PLEKHG3: variants seen among roughly 807,000 people sequenced by gnomAD.
The protein encoded by PLEKHG3 is pleckstrin homology and RhoGEF domain containing G3.
PLEKHG3 carries 62 observed loss-of-function variants against 94.9 expected under a neutral mutation model. The ratio of observed to expected loss-of-function variants is 0.65; its 90% CI spans 0.53 to 0.81. The LOEUF (loss-of-function observed/expected upper bound fraction) is 0.81, where lower values mean the gene tolerates loss of function less well. PLEKHG3 is among the 30% of genes least tolerant of loss of function. The pLI, the probability that PLEKHG3 is intolerant of heterozygous loss-of-function variation, is 0.00. For synonymous variants in PLEKHG3, 614 were observed against 654.0 expected, an observed-to-expected ratio of 0.94 and a Z score of 0.93; for missense variants, 1,461 against 1,619.3, an observed-to-expected ratio of 0.90 and a Z score of 1.68.
At position 64,708,407 on chromosome 14, in the gene PLEKHG3, C is replaced by T. The variant is rs147887282; in HGVS notation, c.-40+3703C>T. Among the ~76,000 whole-genome samples the T allele has an allele frequency of 6.1e-4, 92 of 151,996 alleles. 2 individuals carry two copies. The East Asian group carries it at 0.016, about 27-fold the overall frequency. On this transcript the variant is annotated intron_variant, in intron 1 of 16. Transcript: ENST00000247226. Reference sequence around the variant, plus strand: ...CCTGGAGGTCGGAAGCGGAGTGGGGCGGGGACAAGGGGTAGGGAAAGTGAG... The same window carrying T: ...CCTGGAGGTCGGAAGCGGAGTGGGGTGGGGACAAGGGGTAGGGAAAGTGAG...
rs1479827580 is a variant in PLEKHG3, at chr14:64,745,587, C to T, written c.*1884C>T. 1 of 152,316 alleles carries T rather than the reference C, an allele frequency of 6.6e-6. No individual in the cohort carries two copies. The highest frequency in any genetic ancestry group is 2.4e-5 in the African/African-American group (1 of 41,464). The allele number at this position is 152,316 out of a possible 1,614,324, so 9.4% of individuals were successfully genotyped here. Reference sequence around the variant, plus strand: ...ACACTGTCCAGTGCCCTTGTGGTTACTCAGCATCATATCTTGAGACTGGCC... The same window carrying T: ...ACACTGTCCAGTGCCCTTGTGGTTATTCAGCATCATATCTTGAGACTGGCC... On this transcript the variant is annotated 3_prime_UTR_variant, in exon 17 of 17. Coordinates refer to ENST00000247226, the MANE Select transcript of PLEKHG3 (RefSeq NM_001308147.2). This position sits in a 1 kb window ranked among gnomAD's most constrained non-coding sequence, Gnocchi z 5.0.
chr14:64,741,608 T>C lies in PLEKHG3; in HGVS notation c.2091T>C (p.Pro697=). 6.2e-7 allele frequency: 1 copy of C among 1,612,966 alleles called. No individual in the cohort carries two copies. The highest frequency in any genetic ancestry group is 1.1e-5 in the South Asian group (1 of 91,074). The change falls in exon 16 of 17, where the codon CCT becomes CCC. Residue 697 remains proline, a synonymous_variant. Transcript: ENST00000247226. ...CAAGCCCAGGCTGCCCAGTGGAGCC[T>C]GACCGGTCTTCCTGCAAGAAGAAGG... ...EPPSPGCPVE[P]DRSSCKKKES...
Position 64,743,349 on chromosome 14 carries a change from C to A in PLEKHG3, c.3306C>A (p.Ser1102Arg). The change falls in exon 17 of 17, where the codon AGC becomes AGA. Residue 1102 changes from serine (S) to arginine (R), a missense_variant. Physicochemically the swap from Ser to Arg is moderately radical, Grantham distance 110. This residue lies in a region of PLEKHG3 where 1,201 missense variants were observed against 1,295.5 expected (regional missense o/e 0.93). Coordinates refer to ENST00000247226, the MANE Select transcript of PLEKHG3 (RefSeq NM_001308147.2). The surrounding 1 kb of genome is among the most constrained non-coding windows in gnomAD (Gnocchi z 7.2). ...SGRVGRCRSL[S>R]TKRGRGGGEA... Reference sequence around the variant, plus strand: ...GGGTGGGCCGCTGCCGCAGCCTGAGCACCAAGAGGGGCCGGGGAGGCGGAG... The same window carrying A: ...GGGTGGGCCGCTGCCGCAGCCTGAGAACCAAGAGGGGCCGGGGAGGCGGAG... 1 of 1,607,800 alleles carries A rather than the reference C, an allele frequency of 6.2e-7. No individual in the cohort carries two copies.
At position 64,732,771 on chromosome 14, in the gene PLEKHG3, C is replaced by T; in HGVS notation, c.1247-32C>T. The T allele has an allele frequency of 6.5e-7, 1 of 1,545,172 alleles. No homozygotes were observed. Among genetic ancestry groups the T allele is most frequent in the Non-Finnish European group, 8.8e-7 (1 of 1,133,146 alleles). On this transcript the variant is annotated intron_variant, in intron 11 of 16. Coordinates refer to ENST00000247226, the MANE Select transcript of PLEKHG3 (RefSeq NM_001308147.2). This position sits in a 1 kb window ranked among gnomAD's most constrained non-coding sequence, Gnocchi z 4.9. ...GGGTAGGCCAAGGCCAATTGGGAATCAAAAGCTTGATCGTCTCTCTCCTGG... is the reference window on the plus strand; with the variant it reads ...GGGTAGGCCAAGGCCAATTGGGAATTAAAAGCTTGATCGTCTCTCTCCTGG...
At position 64,746,583 on chromosome 14, in the gene PLEKHG3, C is replaced by T. The variant is rs2081844852; in HGVS notation, c.*2880C>T. The T allele has an allele frequency of 6.6e-6, 1 of 152,496 alleles. No homozygotes were observed. Among genetic ancestry groups the T allele is most frequent in the South Asian group, 2.1e-4 (1 of 4,830 alleles). The allele number at this position is 152,496 out of a possible 1,614,324, so 9.4% of individuals were successfully genotyped here. ...GGTCAGCCTAGGGGACCCTGGCTCC[C>T]TCCGATAGGCAGGAAGGAGGAGGGA... On this transcript the variant is annotated 3_prime_UTR_variant, in exon 17 of 17. Transcript: ENST00000247226. The surrounding 1 kb of genome is among the most constrained non-coding windows in gnomAD (Gnocchi z 4.9).
rs542224656 is a variant in PLEKHG3, at chr14:64,737,791, C to A, written c.1404+416C>A. 42 of 811,612 alleles carry A rather than the reference C, an allele frequency of 5.2e-5. No homozygotes were observed. In the African/African-American group the frequency reaches 5.5e-4, roughly 11 times the overall value. The allele number at this position is 811,612 out of a possible 1,614,324, so 50.3% of individuals were successfully genotyped here. Reference sequence around the variant, plus strand: ...GCTTTCTGTGTGAAGGCTCCCCCCCCGCAGCTGCCTGCAGGAGGACGGGAG... The same window carrying A: ...GCTTTCTGTGTGAAGGCTCCCCCCCAGCAGCTGCCTGCAGGAGGACGGGAG... On this transcript the variant is annotated intron_variant, in intron 14 of 16. Transcript: ENST00000247226.
At position 64,716,461 on chromosome 14, in the gene PLEKHG3, CACACAA is replaced by C. The variant is rs1441149114; in HGVS notation, c.-39-11131_-39-11126del. Among the ~76,000 whole-genome samples, 9 of 120,206 alleles carry C rather than the reference CACACAA, an allele frequency of 7.5e-5. No individual in the cohort carries two copies. Among genetic ancestry groups the C allele is most frequent in the Admixed American group, 2.4e-4 (3 of 12,760 alleles). 78.9% of individuals were successfully genotyped at this position (120,206 alleles called of 152,430 possible). On this transcript the variant is annotated intron_variant, in intron 1 of 16. Coordinates refer to ENST00000247226, the MANE Select transcript of PLEKHG3 (RefSeq NM_001308147.2). The surrounding 1 kb of genome is among the most constrained non-coding windows in gnomAD (Gnocchi z 5.0). Reference sequence around the variant, plus strand: ...ACACACACACACACACACACACACACACACAACACACACACACACAACACACACACA... The same window carrying C: ...ACACACACACACACACACACACACACCACACACACACACAACACACACACA...
intron 12 of PLEKHG3, 80 bp from the exon 13 acceptor site, chr14:64,736,773 G>A: frequency 9.9e-7 from 1 of 1,011,200 alleles, no homozygotes; most frequent in South Asian, 1.3e-5. Flanking sequence ...TGATGGGCTG[G>A]TGGCGCTGTG....
At position 64,715,795 on chromosome 14, in the gene PLEKHG3, C is replaced by G; in HGVS notation, c.-40+11091C>G. The stretch of plus-strand genomic sequence containing the variant: ...GGCTGTGGCCTGGGTCCCTACCCAG[C>G]GGGGACCTGCAGAATTGTGTCGGGA... On this transcript the variant is annotated intron_variant, in intron 1 of 16. Coordinates refer to ENST00000247226, the MANE Select transcript of PLEKHG3 (RefSeq NM_001308147.2). The surrounding 1 kb of genome is among the most constrained non-coding windows in gnomAD (Gnocchi z 4.4). 2.9e-6 allele frequency: 1 copy of G among 339,348 alleles called. No homozygotes were observed. Among genetic ancestry groups the G allele is most frequent in the Non-Finnish European group, 5.8e-6 (1 of 171,954 alleles). 21.0% of individuals were successfully genotyped at this position (339,348 alleles called of 1,614,324 possible). A position where few individuals can be genotyped will look rare whatever the true frequency, so the allele number is the denominator to read the frequency against.
Position 64,731,155 on chromosome 14 carries a change from G to A in PLEKHG3, c.835G>A (p.Ala279Thr), listed in dbSNP as rs761432089. The change falls in exon 7 of 17, where the codon GCG (alanine) becomes ACG (threonine). Residue 279 changes from alanine (A) to threonine (T), a missense_variant. Around this residue, in one of 3 missense-constraint regions of PLEKHG3, gnomAD observed 1,201 missense variants for 1,295.5 expected, o/e 0.93. Coordinates refer to ENST00000247226, the MANE Select transcript of PLEKHG3 (RefSeq NM_001308147.2). The surrounding 1 kb of genome is among the most constrained non-coding windows in gnomAD (Gnocchi z 6.1). Reference sequence around the variant, plus strand: ...CGACATGAAGAGGAGGCATGAGCACGCGGTCCGGCTCCAGGTGCTCTGGGG... The same window carrying A: ...CGACATGAAGAGGAGGCATGAGCACACGGTCCGGCTCCAGGTGCTCTGGGG... ...INDMKRRHEH[A>T]VRLQEIQSLL... The A allele has an allele frequency of 8.7e-6, 14 of 1,612,130 alleles. No individual in the cohort carries two copies. In the African/African-American group the frequency reaches 1.3e-4, roughly 15 times the overall value.
rs559204858 is a variant in PLEKHG3, at chr14:64,734,973, G to A, written c.1346-1880G>A. On this transcript the variant is annotated intron_variant, in intron 12 of 16. Coordinates refer to ENST00000247226, the MANE Select transcript of PLEKHG3 (RefSeq NM_001308147.2). ...ACTCCTGACCTCAGGTGATCCACCC[G>A]CCTCGGCCTCACAGAGTGCTGGGAT... Among the ~76,000 whole-genome samples, 10 of 152,106 alleles carry A rather than the reference G, an allele frequency of 6.6e-5. No individual in the cohort carries two copies. The South Asian group carries it at 2.1e-3, about 32-fold the overall frequency.
At chr14:64,705,370 T>G (rs2140292811) in intron 1 of PLEKHG3, among the ~76,000 whole-genome samples, 1 of 152,308 alleles carries the variant, frequency 6.6e-6, no homozygotes, top group African/African-American at 2.4e-5. Flanking sequence ...AAATAGCTAC[T>G]TTGACTCTTC....
At position 64,726,332 on chromosome 14, in the gene PLEKHG3, C is replaced by T. The variant is rs902654587; in HGVS notation, c.-39-1261C>T. Among the ~76,000 whole-genome samples the T allele has an allele frequency of 6.6e-6, 1 of 152,116 alleles. No homozygotes were observed. Among genetic ancestry groups the T allele is most frequent in the Non-Finnish European group, 1.5e-5 (1 of 68,026 alleles). On this transcript the variant is annotated intron_variant, in intron 1 of 16. Transcript: ENST00000247226. The surrounding 1 kb of genome is among the most constrained non-coding windows in gnomAD (Gnocchi z 5.1). ...TCTGCCCTTTAGTCATGTCTGGGGT[C>T]TAGTCACTTCTGAGCCCTAGAGCTA...
At chr14:64,719,666 C>T (rs964094525) in intron 1 of PLEKHG3, among the ~76,000 whole-genome samples, 3 of 151,936 alleles carry the variant, frequency 2.0e-5, no homozygotes, top group Admixed American at 6.6e-5. Context: ...CCAGTGGGGG[C>T]CCCTCCACAC....
At chr14:64,734,336 G>C (rs1169941838) in intron 12 of PLEKHG3, among the ~76,000 whole-genome samples, 2 of 151,750 alleles carry the variant, frequency 1.3e-5, no homozygotes, top group Non-Finnish European at 2.9e-5. Flanking sequence ...TCCTCAACTT[G>C]CCATACCTTA....
rs1555359403 is a variant in PLEKHG3, at chr14:64,716,466, A to ACACACC, written c.-39-11127_-39-11126insCACACC. On this transcript the variant is annotated intron_variant, in intron 1 of 16. Coordinates refer to ENST00000247226, the MANE Select transcript of PLEKHG3 (RefSeq NM_001308147.2). This position sits in a 1 kb window ranked among gnomAD's most constrained non-coding sequence, Gnocchi z 5.0. ...CACACACACACACACACACACACAC[A>ACACACC]ACACACACACACACAACACACACAC... Among the ~76,000 whole-genome samples the ACACACC allele has an allele frequency of 1.2e-5, 1 of 86,446 alleles. No individual in the cohort carries two copies. Among genetic ancestry groups the ACACACC allele is most frequent in the Non-Finnish European group, 2.5e-5 (1 of 39,538 alleles). 56.7% of individuals were successfully genotyped at this position (86,446 alleles called of 152,430 possible). A position where few individuals can be genotyped will look rare whatever the true frequency, so the allele number is the denominator to read the frequency against.
In PLEKHG3 at chr14:64,722,769, T is replaced by A. The variant is rs2081285557; in HGVS notation, c.-39-4824T>A. ...CCAGAGGGTTCACCCCCAAGTGTCC[T>A]CTTCCCCTCTCCTGCCTTGTCCTCA... On this transcript the variant is annotated intron_variant, in intron 1 of 16. Transcript: ENST00000247226. The surrounding 1 kb of genome is among the most constrained non-coding windows in gnomAD (Gnocchi z 4.3). Among the ~76,000 whole-genome samples the A allele has an allele frequency of 6.6e-6, 1 of 152,194 alleles. No individual in the cohort carries two copies. The highest frequency in any genetic ancestry group is 6.5e-5 in the Admixed American group (1 of 15,284).
At chr14:64,740,970 C>T in intron 15 of PLEKHG3, 66 bp from the exon 16 acceptor site, 6 of 1,339,410 alleles carry the variant, frequency 4.5e-6, no homozygotes, top group Non-Finnish European at 6.2e-6. Flanking sequence ...CCATGCTGTC[C>T]CCTTGTTCCC....
Position 64,742,231 on chromosome 14 carries a change from C to G in PLEKHG3, c.2714C>G (p.Pro905Arg). Reference protein sequence around the residue: ...TQGELVAPLHPRIVQLSHVMD... With the variant: ...TQGELVAPLHRRIVQLSHVMD... ...GGGGAGCTGGTGGCCCCACTGCACC[C>G]CCGCATCGTGCAGCTCTCCCACGTA... is the stretch of plus-strand genomic sequence containing the variant. The change falls in exon 16 of 17, where the codon CCC (proline) becomes CGC (arginine). Residue 905 changes from proline (P) to arginine (R), a missense_variant. Around this residue, in one of 3 missense-constraint regions of PLEKHG3, gnomAD observed 1,201 missense variants for 1,295.5 expected, o/e 0.93. Coordinates refer to ENST00000247226, the MANE Select transcript of PLEKHG3 (RefSeq NM_001308147.2). The G allele has an allele frequency of 6.2e-7, 1 of 1,613,096 alleles. No individual in the cohort carries two copies. Among genetic ancestry groups the G allele is most frequent in the Non-Finnish European group, 8.5e-7 (1 of 1,179,998 alleles).
Sources: gnomAD v4.1 joint callset for allele counts (sites outside exome capture counted in the v4.1 genomes callset) on GRCh38, gnomAD v4.1.1 for gene constraint, gnomAD v4.1.1 regional missense constraint, Gnocchi (gnomAD v3.1) non-coding constraint, MANE v1.5 for transcripts, NCBI Gene and HGNC (gene_info 2026-07-23, HGNC 2026-07-21) for gene names.